The following B3GALT1 variants were observed in gnomAD, a reference collection of about 807,000 sequenced individuals.
The protein encoded by B3GALT1 is UDP-Gal:betaGlcNAc beta 1,3-galactosyltransferase, polypeptide 1.
Under a neutral mutation model 23.2 loss-of-function variants are expected in B3GALT1, and 10 were observed. The ratio of observed to expected loss-of-function variants is 0.43; its 90% CI spans 0.27 to 0.73. B3GALT1 has a LOEUF of 0.73. Among genes scored for constraint, B3GALT1 ranks in the 30% least tolerant of loss-of-function variants. The pLI is 0.21. For missense variants in B3GALT1, 299 were observed against 405.4 expected (o/e 0.74, Z 2.25); for synonymous variants, 156 against 141.5 (o/e 1.10, Z -0.73).
intron 1 of B3GALT1, among the ~76,000 whole-genome samples, chr2:167,294,365 G>A (rs1453645989): frequency 6.6e-6 from 1 of 152,258 alleles, no homozygotes; most frequent in Non-Finnish European, 1.5e-5. Flanking sequence ...TGCCTCCAGA[G>A]CGTTTTTGTT....
chr2:167,770,201 G>A (rs1479469061), intron 3 of B3GALT1, among the ~76,000 whole-genome samples: 1 of 152,060 alleles, frequency 6.6e-6, no homozygotes, highest in Non-Finnish European at 1.5e-5. Context: ...TGAACTTCTG[G>A]GTTCAAGTGA....
At chr2:167,567,333 A>G (rs1025821707) in intron 2 of B3GALT1, among the ~76,000 whole-genome samples, 3 of 152,196 alleles carry the variant, frequency 2.0e-5, no homozygotes, top group African/African-American at 7.2e-5. Flanking sequence ...ATTTAAATAT[A>G]GGAGTTGTCT....
At chr2:167,559,555 G>GA (rs1183038491) in intron 2 of B3GALT1, among the ~76,000 whole-genome samples, 1 of 152,084 alleles carries the variant, frequency 6.6e-6, no homozygotes, top group Non-Finnish European at 1.5e-5. Context: ...TGAAAACTTT[G>GA]AAAAAAATTT....
intron 2 of B3GALT1, among the ~76,000 whole-genome samples, chr2:167,582,932 T>A (rs530982728): frequency 6.6e-6 from 1 of 152,344 alleles, no homozygotes; most frequent in South Asian, 2.1e-4. Context: ...TCAGCATTCC[T>A]GCCATATTGG....
chr2:167,801,901 G>A (rs926948901), intron 3 of B3GALT1, among the ~76,000 whole-genome samples: 4 of 152,210 alleles, frequency 2.6e-5, no homozygotes, highest in Non-Finnish European at 5.9e-5. Context: ...TGATTTCGGT[G>A]CATCCCTAAC....
chr2:167,645,553 ATTTTTTTTTT>A (rs1195110974), intron 2 of B3GALT1, among the ~76,000 whole-genome samples: 2 of 87,046 alleles, frequency 2.3e-5, no homozygotes, highest in African/African-American at 4.7e-5. Context: ...ACTGCCAATA[ATTTTTTTTTT>A]TTTTTTTTTT....
At chr2:167,521,583 C>T (rs989685661) in intron 2 of B3GALT1, among the ~76,000 whole-genome samples, 10 of 151,982 alleles carry the variant, frequency 6.6e-5, no homozygotes, top group Non-Finnish European at 1.3e-4. Context: ...TTTAGTAATA[C>T]TAAAGACTGA....
At chr2:167,641,417 T>A (rs1363842873) in intron 2 of B3GALT1, among the ~76,000 whole-genome samples, 1 of 152,178 alleles carries the variant, frequency 6.6e-6, no homozygotes, top group Non-Finnish European at 1.5e-5. Flanking sequence ...AGGGGCAAGT[T>A]ATTAATATTT....
intron 4 of B3GALT1, among the ~76,000 whole-genome samples, chr2:167,836,524 A>G (rs1689476545): frequency 6.6e-6 from 1 of 152,234 alleles, no homozygotes; most frequent in Admixed American, 6.5e-5. Flanking sequence ...ATATGGGACT[A>G]TGTGAAAAGA....
chr2:167,660,891 ATAAAG>A (rs901651557), intron 3 of B3GALT1, among the ~76,000 whole-genome samples: 29 of 152,290 alleles, frequency 1.9e-4, no homozygotes, highest in African/African-American at 6.7e-4. Context: ...AATCAATAGA[ATAAAG>A]TAATGAGAGA....
chr2:167,656,570 T>C (rs1685959202), intron 3 of B3GALT1, among the ~76,000 whole-genome samples: 1 of 152,174 alleles, frequency 6.6e-6, no homozygotes, highest in Non-Finnish European at 1.5e-5. Flanking sequence ...AGAAGAATTA[T>C]ATTTACTGTA....
At chr2:167,578,649 TA>T (rs2105405520) in intron 2 of B3GALT1, among the ~76,000 whole-genome samples, 1 of 152,120 alleles carries the variant, frequency 6.6e-6, no homozygotes, top group African/African-American at 2.4e-5. Flanking sequence ...AGGGTTCTAA[TA>T]AGATGTTCTA....
chr2:167,651,515 A>C (rs992230860), intron 3 of B3GALT1, among the ~76,000 whole-genome samples: 1 of 152,118 alleles, frequency 6.6e-6, no homozygotes, highest in Admixed American at 6.6e-5. Flanking sequence ...TTCAGAGAGA[A>C]AAAGAGGTAA....
At chr2:167,805,878 G>A (rs1332248976) in intron 3 of B3GALT1, among the ~76,000 whole-genome samples, 2 of 152,184 alleles carry the variant, frequency 1.3e-5, no homozygotes, top group African/African-American at 4.8e-5. Context: ...GTCATTGGTA[G>A]CTTGATAGGG....
At chr2:167,371,466 C>T (rs953687277) in intron 1 of B3GALT1, among the ~76,000 whole-genome samples, 3 of 151,878 alleles carry the variant, frequency 2.0e-5, no homozygotes, top group Non-Finnish European at 4.4e-5. Flanking sequence ...ATGAGAAAGT[C>T]GAAAAATGCC....
At chr2:167,354,252 T>C (rs991585252) in intron 1 of B3GALT1, among the ~76,000 whole-genome samples, 3 of 152,182 alleles carry the variant, frequency 2.0e-5, no homozygotes, top group Non-Finnish European at 4.4e-5. Flanking sequence ...AAGTCTCTCT[T>C]TCAAGTTATT....
chr2:167,535,409 C>T (rs1486451804), intron 2 of B3GALT1, among the ~76,000 whole-genome samples: 1 of 152,032 alleles, frequency 6.6e-6, no homozygotes, highest in Non-Finnish European at 1.5e-5. Context: ...TGAGATGCCA[C>T]CTGCAATGTA....
intron 2 of B3GALT1, among the ~76,000 whole-genome samples, chr2:167,504,877 T>C (rs1699897910): frequency 6.6e-6 from 1 of 152,194 alleles, no homozygotes; most frequent in African/African-American, 2.4e-5. Flanking sequence ...TCTAGGTCTA[T>C]GCAAGTACAC....
At chr2:167,736,565 A>G (rs1389205818) in intron 3 of B3GALT1, among the ~76,000 whole-genome samples, 2 of 152,146 alleles carry the variant, frequency 1.3e-5, no homozygotes, top group African/African-American at 4.8e-5. Context: ...GGTTGCAAAA[A>G]TTCAGCTAGA....
Sources: gnomAD v4.1 joint callset for allele counts (sites outside exome capture counted in the v4.1 genomes callset) on GRCh38, gnomAD v4.1.1 for gene constraint, MANE v1.5 for transcripts, NCBI Gene and HGNC (gene_info 2026-07-23, HGNC 2026-07-21) for gene names.